The following KLF15 variants were observed in gnomAD, a reference collection of about 807,000 sequenced individuals.
KLF15 encodes KLF transcription factor 15.
A neutral mutation model predicts 24.6 loss-of-function variants in KLF15; 4 were observed. The observed-to-expected ratio is 0.16, with a 90% CI of 0.08 to 0.37. The LOEUF is 0.37. Among genes scored for constraint, KLF15 ranks in the 10% least tolerant of loss-of-function variants. The pLI is 1.00. For missense variants in KLF15, 496 were observed against 560.6 expected (o/e 0.88, Z 1.16); for synonymous variants, 246 against 236.3 (o/e 1.04, Z -0.37).
chr3:126,290,242 T>C, the KLF15 span, among the ~76,000 whole-genome samples: 1 of 152,308 alleles, frequency 6.6e-6, no homozygotes, highest in South Asian at 2.1e-4. Flanking sequence ...AGCTTCCCTA[T>C]AGCACATTCC....
the KLF15 span, among the ~76,000 whole-genome samples, chr3:126,331,816 G>T: frequency 6.6e-6 from 1 of 152,224 alleles, no homozygotes; most frequent in African/African-American, 2.4e-5. Context: ...GAAGCGCAAG[G>T]GGTCAGGGAG....
At chr3:126,317,929 C>A in the KLF15 span, among the ~76,000 whole-genome samples, 1 of 152,212 alleles carries the variant, frequency 6.6e-6, no homozygotes, top group Non-Finnish European at 1.5e-5. Context: ...AGATTTGCCG[C>A]CACTAACATA....
downstream of KLF15, among the ~76,000 whole-genome samples, chr3:126,340,799 G>C (rs865926077): frequency 6.6e-6 from 1 of 152,152 alleles, no homozygotes; most frequent in Non-Finnish European, 1.5e-5. Context: ...CGGTCAGAAA[G>C]GTGGTGGCAT....
chr3:126,345,341 G>A (rs540683777), intron 2 of KLF15, among the ~76,000 whole-genome samples: 3 of 152,098 alleles, frequency 2.0e-5, no homozygotes, highest in South Asian at 2.1e-4. Context: ...CTTGGTTCCC[G>A]GTGGTCTTCC....
chr3:126,315,034 G>A, the KLF15 span, among the ~76,000 whole-genome samples: 56 of 152,240 alleles, frequency 3.7e-4, no homozygotes, highest in African/African-American at 1.3e-3. Flanking sequence ...CTGAGATAGC[G>A]TCTGTTCCAA....
the KLF15 span, chr3:126,288,258 T>G: frequency 6.6e-6 from 1 of 152,238 alleles, no homozygotes; most frequent in Admixed American, 6.5e-5. Flanking sequence ...AATAATGAGT[T>G]GATTAAAATA....
the KLF15 span, among the ~76,000 whole-genome samples, chr3:126,316,234 G>T: frequency 6.6e-6 from 1 of 151,500 alleles, no homozygotes; most frequent in Non-Finnish European, 1.5e-5. Flanking sequence ...CCACGGGCCG[G>T]ACTGGGGCTG....
chr3:126,289,597 T>G, the KLF15 span, among the ~76,000 whole-genome samples: 1 of 152,342 alleles, frequency 6.6e-6, no homozygotes, highest in South Asian at 2.1e-4. Flanking sequence ...ACGATACATT[T>G]CTCACTTCTT....
rs762004129 is a variant in KLF15, at chr3:126,352,540, C to T, written c.383G>A (p.Gly128Asp). The part of the protein sequence containing the change: ...EHFCLPEFPL[G>D]DPDDVPRPFQ... ...GGGCCGTGGGACGTCATCAGGATCACCCAAAGGAAACTCGGGCAAGCAGAA... is the reference window on the plus strand; with the variant it reads ...GGGCCGTGGGACGTCATCAGGATCATCCAAAGGAAACTCGGGCAAGCAGAA... The change falls in exon 2 of 3, where the codon GGT becomes GAT. Residue 128 changes from glycine to aspartate, a missense_variant. Physicochemically the swap from Gly to Asp is moderately conservative, Grantham distance 94 (BLOSUM62 -1). Around this residue, in one of 3 missense-constraint regions of KLF15, gnomAD observed 399 missense variants for 423.1 expected, o/e 0.94. Coordinates refer to ENST00000296233, the MANE Select transcript of KLF15 (RefSeq NM_014079.4). The T allele has an allele frequency of 4.3e-6, 7 of 1,612,882 alleles. No homozygotes were observed. In the African/African-American group the frequency reaches 6.7e-5, roughly 15 times the overall value.
chr3:126,330,886 G>C, the KLF15 span, among the ~76,000 whole-genome samples: 1 of 152,204 alleles, frequency 6.6e-6, no homozygotes, highest in Non-Finnish European at 1.5e-5. Context: ...TATGTCTCCA[G>C]TGTCTCTGAA....
At chr3:126,348,006 C>A (rs1283722165) in intron 2 of KLF15, among the ~76,000 whole-genome samples, 4 of 152,108 alleles carry the variant, frequency 2.6e-5, no homozygotes, top group African/African-American at 9.7e-5. Flanking sequence ...GTGGAGAGCT[C>A]CCCCACGGGG....
the KLF15 span, among the ~76,000 whole-genome samples, chr3:126,311,879 G>A: frequency 4.6e-5 from 7 of 152,238 alleles, no homozygotes; most frequent in African/African-American, 7.2e-5. Context: ...CTGGCTCAAA[G>A]GTGGGGAGGC....
In KLF15 at chr3:126,343,462, G is replaced by GAAGGCAC. The variant is rs1347798849; in HGVS notation, c.*258_*264dup. The stretch of plus-strand genomic sequence containing the variant: ...TGCAGCAGAGGCCTGGCCACCGCGG[G>GAAGGCAC]AAGGCACGAAGGCACGAAGGCACGA... On this transcript the variant is annotated 3_prime_UTR_variant, in exon 3 of 3. Transcript: ENST00000296233. 1 of 395,456 alleles carries GAAGGCAC rather than the reference G, an allele frequency of 2.5e-6. No individual in the cohort carries two copies. Among genetic ancestry groups the GAAGGCAC allele is most frequent in the African/African-American group, 2.8e-5 (1 of 35,518 alleles). 24.5% of individuals were successfully genotyped at this position (395,456 alleles called of 1,614,324 possible).
At chr3:126,330,334 T>C in the KLF15 span, among the ~76,000 whole-genome samples, 1 of 152,196 alleles carries the variant, frequency 6.6e-6, no homozygotes, top group Non-Finnish European at 1.5e-5. Flanking sequence ...GGGCTGTCAA[T>C]TACACAGTAA....
chr3:126,345,031 T>G (rs997041146), intron 2 of KLF15, among the ~76,000 whole-genome samples: 1 of 146,612 alleles, frequency 6.8e-6, no homozygotes, highest in Non-Finnish European at 1.5e-5. Context: ...GTGCTCCACC[T>G]GCATTGACCT....
the KLF15 span, among the ~76,000 whole-genome samples, chr3:126,337,625 G>A: frequency 3.3e-5 from 5 of 151,782 alleles, no homozygotes; most frequent in African/African-American, 1.2e-4. Flanking sequence ...GAGAAGAAAT[G>A]TCTTATTAAG....
At position 126,343,598 on chromosome 3, in the gene KLF15, C is replaced by G; in HGVS notation, c.*129G>C. 3.1e-6 allele frequency: 3 copies of G among 965,544 alleles called. No individual in the cohort carries two copies. The highest frequency in any genetic ancestry group is 4.6e-6 in the Non-Finnish European group (3 of 648,684). 59.8% of individuals were successfully genotyped at this position (965,544 alleles called of 1,614,324 possible). A position where few individuals can be genotyped will look rare whatever the true frequency, so the allele number is the denominator to read the frequency against. On this transcript the variant is annotated 3_prime_UTR_variant, in exon 3 of 3. Transcript: ENST00000296233. ...GTTGGCGGGCCCTGGGTTCACACCTCCCAGGCTTCAGAAGGTGGGCTGGTA... is the reference window on the plus strand; with the variant it reads ...GTTGGCGGGCCCTGGGTTCACACCTGCCAGGCTTCAGAAGGTGGGCTGGTA...
the KLF15 span, among the ~76,000 whole-genome samples, chr3:126,323,157 A>G: frequency 6.6e-6 from 1 of 150,490 alleles, no homozygotes; most frequent in Admixed American, 6.6e-5. Context: ...TGTAAAGAAT[A>G]CCCATACACC....
the KLF15 span, among the ~76,000 whole-genome samples, chr3:126,323,959 C>T: frequency 2.0e-5 from 3 of 150,502 alleles, no homozygotes; most frequent in African/African-American, 4.9e-5. Flanking sequence ...TTTCTTTATC[C>T]AGTTTATCAT....
Sources: gnomAD v4.1 joint callset for allele counts (sites outside exome capture counted in the v4.1 genomes callset) on GRCh38, gnomAD v4.1.1 for gene constraint, gnomAD v4.1.1 regional missense constraint, MANE v1.5 for transcripts, NCBI Gene and HGNC (gene_info 2026-07-23, HGNC 2026-07-21) for gene names.